GREB1: variants seen among roughly 807,000 people sequenced by gnomAD.
The protein encoded by GREB1 is protein GREB1.
A neutral mutation model predicts 200.7 loss-of-function variants in GREB1; 106 were observed. The observed-to-expected ratio is 0.53, with a 90% CI of 0.45 to 0.62. The LOEUF is 0.62. GREB1 is among the 20% of genes least tolerant of loss of function. The pLI is 0.00. For synonymous variants in GREB1, 1,132 were observed against 1,092.4 expected (o/e 1.04, Z -0.72); for missense variants, 2,243 against 2,556.8 (o/e 0.88, Z 2.65).
At position 11,640,694 on chromosome 2, in the gene GREB1, G is replaced by C; in HGVS notation, c.*240G>C. The C allele has an allele frequency of 2.0e-6, 1 of 510,582 alleles. No individual in the cohort carries two copies. Among genetic ancestry groups the C allele is most frequent in the Non-Finnish European group, 3.4e-6 (1 of 292,620 alleles). The allele number at this position is 510,582 out of a possible 1,614,324, so 31.6% of individuals were successfully genotyped here. A position where few individuals can be genotyped will look rare whatever the true frequency, so the allele number is the denominator to read the frequency against. ...AAGTTCTGGGCCAGCCCATTGCTCT[G>C]GGCTGTTTTAAAGCCCATTTCACGA... is the stretch of plus-strand genomic sequence containing the variant. On this transcript the variant is annotated 3_prime_UTR_variant, in exon 33 of 33. Coordinates refer to ENST00000381486, the MANE Select transcript of GREB1 (RefSeq NM_014668.4). The surrounding 1 kb of genome is among the most constrained non-coding windows in gnomAD (Gnocchi z 4.6).
At chr2:11,606,756 T>TTTATTA (rs1225643122) in intron 17 of GREB1, among the ~76,000 whole-genome samples, 1 of 106,434 alleles carries the variant, frequency 9.4e-6, no homozygotes, top group Non-Finnish European at 1.9e-5. Flanking sequence ...TGATTTTAGT[T>TTTATTA]TCATTATTAT....
chr2:11,517,490 C>T (rs796587385), intron 1 of GREB1: 6 of 146,394 alleles, frequency 4.1e-5, no homozygotes, highest in Admixed American at 1.4e-4. Flanking sequence ...TGGGGAGACC[C>T]GGTGCTGTAG....
intron 4 of GREB1, among the ~76,000 whole-genome samples, chr2:11,571,857 C>T (rs1465987311): frequency 6.6e-6 from 1 of 152,094 alleles, no homozygotes; most frequent in East Asian, 1.9e-4. Context: ...ACTACAGGCG[C>T]CCACCACCAC....
intron 17 of GREB1, among the ~76,000 whole-genome samples, chr2:11,604,901 G>A (rs1304115510): frequency 2.6e-5 from 4 of 152,186 alleles, no homozygotes; most frequent in East Asian, 3.8e-4. Flanking sequence ...GCCAGCATAC[G>A]GCTGGGAAAA....
intron 1 of GREB1, chr2:11,540,076 G>T (rs1674614311): frequency 1.3e-5 from 2 of 152,478 alleles, no homozygotes; most frequent in African/African-American, 4.8e-5. Context: ...TGGTTGGTCT[G>T]TGGAGTGCCT....
Position 11,488,556 on chromosome 2 carries a change from C to T in GREB1, c.-159+6175C>T, listed in dbSNP as rs534212110. Among the ~76,000 whole-genome samples the T allele has an allele frequency of 9.2e-5, 14 of 151,638 alleles. No individual in the cohort carries two copies. In the East Asian group the frequency reaches 2.0e-3, roughly 21 times the overall value. On this transcript the variant is annotated intron_variant, in intron 1 of 2. Coordinates refer to the GREB1 transcript ENST00000628795. ...CTGTAATCCCAGCACTTTGGGAGGC[C>T]GATGTGGGTGGATCATCTGAGGTCA...
chr2:11,571,490 A>G (rs942403645), intron 4 of GREB1, among the ~76,000 whole-genome samples: 2 of 152,230 alleles, frequency 1.3e-5, no homozygotes, highest in African/African-American at 4.8e-5. Context: ...TAAAGGGGAT[A>G]AAGATGTACG....
Position 11,514,179 on chromosome 2 carries a change from C to T in GREB1, c.-159+31798C>T, listed in dbSNP as rs115169967. ...CAAATCCCAGGAAGCAGGAAATAGGCGATTAACATTGAGAGCCAAATGTGT... is the reference window on the plus strand; with the variant it reads ...CAAATCCCAGGAAGCAGGAAATAGGTGATTAACATTGAGAGCCAAATGTGT... On this transcript the variant is annotated intron_variant, in intron 1 of 2. Coordinates refer to the GREB1 transcript ENST00000628795. Among the ~76,000 whole-genome samples the T allele has an allele frequency of 4.5e-3, 681 of 152,206 alleles. 8 individuals carry two copies. The highest frequency in any genetic ancestry group is 0.015 in the African/African-American group (633 of 41,526).
At chr2:11,591,274 C>G in intron 10 of GREB1, 1 of 678,706 alleles carries the variant, frequency 1.5e-6, no homozygotes, top group Non-Finnish European at 2.7e-6. Context: ...GAGCAGGTGT[C>G]ATGAACCCCG....
chr2:11,587,513 G>A, intron 9 of GREB1: 3 of 1,575,182 alleles, frequency 1.9e-6, no homozygotes, highest in Admixed American at 1.8e-5. Flanking sequence ...TGCATCAGAA[G>A]CCCTGGGTGG....
chr2:11,511,833 GA>G (rs1673361418), intron 1 of GREB1, among the ~76,000 whole-genome samples: 1 of 152,174 alleles, frequency 6.6e-6, no homozygotes, highest in African/African-American at 2.4e-5. Flanking sequence ...CCTGCCTCTA[GA>G]GCTGATGTGG....
intron 10 of GREB1, among the ~76,000 whole-genome samples, chr2:11,589,173 G>C (rs1680481785): frequency 6.6e-6 from 1 of 152,230 alleles, no homozygotes; most frequent in Non-Finnish European, 1.5e-5. Flanking sequence ...TCTAGGCACA[G>C]GGATACAGCA....
chr2:11,619,139 G>A (rs547966800), intron 22 of GREB1, among the ~76,000 whole-genome samples: 6 of 152,294 alleles, frequency 3.9e-5, no homozygotes, highest in Non-Finnish European at 7.4e-5. Flanking sequence ...TGTGATGTAG[G>A]GGGCGGACAG....
At chr2:11,497,774 A>G (rs1672926497) in intron 1 of GREB1, among the ~76,000 whole-genome samples, 1 of 152,112 alleles carries the variant, frequency 6.6e-6, no homozygotes. Flanking sequence ...TATCCTCTTC[A>G]GTAAAACATC....
In GREB1 at chr2:11,632,050, A is replaced by C. The variant is rs943096636; in HGVS notation, c.4753A>C (p.Lys1585Gln). ...CAAGGAATACGAGATGGCAATTTAT[A>C]AGAAATATTGGCCCAACCACATCAT... ...VVKEYEMAIY[K>Q]KYWPNHIMLV... The change falls in exon 27 of 33, where the codon AAG becomes CAG. Residue 1585 changes from lysine (K) to glutamine (Q), a missense_variant. Lys to Gln is a moderately conservative substitution (Grantham distance 53). Around this residue, in one of 3 missense-constraint regions of GREB1, gnomAD observed 478 missense variants for 616.3 expected, o/e 0.78. Coordinates refer to ENST00000381486, the MANE Select transcript of GREB1 (RefSeq NM_014668.4). The C allele has an allele frequency of 6.2e-7, 1 of 1,614,104 alleles. No individual in the cohort carries two copies. The highest frequency in any genetic ancestry group is 2.2e-5 in the East Asian group (1 of 44,878).
intron 1 of GREB1, among the ~76,000 whole-genome samples, chr2:11,537,221 C>T (rs1459124483): frequency 3.3e-5 from 5 of 152,194 alleles, no homozygotes; most frequent in Non-Finnish European, 7.3e-5. Flanking sequence ...GCCTTGGCTT[C>T]CCAAAGTCCT....
At position 11,618,487 on chromosome 2, in the gene GREB1, C is replaced by G. The variant is rs766252904; in HGVS notation, c.3612C>G (p.Leu1204=). ...PGPTPQPDCS[L]RTGQRSVQVS... The stretch of plus-strand genomic sequence containing the variant: ...CGACGCCCCAGCCCGACTGTAGCCT[C>G]AGGACCGGCCAGAGGAGCGTCCAGG... Residue 1204 remains leucine, a synonymous_variant, in exon 22 of 33, where the codon CTC becomes CTG. Coordinates refer to ENST00000381486, the MANE Select transcript of GREB1 (RefSeq NM_014668.4). 7.5e-6 allele frequency: 12 copies of G among 1,609,772 alleles called. No homozygotes were observed. In the East Asian group the frequency reaches 2.5e-4, roughly 33 times the overall value.
intron 17 of GREB1, among the ~76,000 whole-genome samples, chr2:11,609,505 G>A (rs1682729149): frequency 1.3e-5 from 2 of 152,104 alleles, no homozygotes; most frequent in African/African-American, 4.8e-5. Context: ...CTGACCTCAG[G>A]CAATCCGTTT....
In GREB1 at chr2:11,585,863, A is replaced by C. The variant is rs769158808; in HGVS notation, c.1117A>C (p.Asn373His). 6.2e-7 allele frequency: 1 copy of C among 1,614,052 alleles called. No individual in the cohort carries two copies. Among genetic ancestry groups the C allele is most frequent in the East Asian group, 2.2e-5 (1 of 44,886 alleles). Residue 373 changes from asparagine (N) to histidine (H), a missense_variant, in exon 9 of 33, where the codon AAC becomes CAC. Transcript: ENST00000381486. ...ASGEPVSVPD[N>H]LLKICKAKPV... is the part of the protein sequence containing the mutation. ...TGGAGAACCAGTGTCTGTTCCTGAC[A>C]ACTTGCTGAAAATATGCAAGGCCAA...
Sources: gnomAD v4.1 joint callset for allele counts (sites outside exome capture counted in the v4.1 genomes callset) on GRCh38, gnomAD v4.1.1 for gene constraint, gnomAD v4.1.1 regional missense constraint, Gnocchi (gnomAD v3.1) non-coding constraint, MANE v1.5 for transcripts, NCBI Gene and HGNC (gene_info 2026-07-23, HGNC 2026-07-21) for gene names.